The following EXOC6B variants were observed in gnomAD, a reference collection of about 807,000 sequenced individuals.
EXOC6B encodes the protein SEC15 homolog B.
EXOC6B carries 54 observed loss-of-function variants against 113.5 expected under a neutral mutation model. That is an observed-to-expected ratio of 0.48 (90% CI 0.38 to 0.60). The LOEUF (loss-of-function observed/expected upper bound fraction) is 0.60. Ranked by LOEUF, EXOC6B falls within the 20% of genes least tolerant of loss-of-function variation. The pLI is 0.00. For synonymous variants in EXOC6B, 357 were observed against 339.0 expected, an observed-to-expected ratio of 1.05 and a Z score of -0.58; for missense variants, 797 against 977.5, an observed-to-expected ratio of 0.82 and a Z score of 2.46.
At chr2:72,412,333 ATATTT>A (rs1055340651) in intron 18 of EXOC6B, among the ~76,000 whole-genome samples, 6 of 152,244 alleles carry the variant, frequency 3.9e-5, no homozygotes, top group Admixed American at 1.3e-4. Context: ...TGAAATAAAA[ATATTT>A]TCAGTTAGGG....
chr2:72,251,432 T>G (rs1261726807), intron 20 of EXOC6B, among the ~76,000 whole-genome samples: 1 of 152,152 alleles, frequency 6.6e-6, no homozygotes, highest in Non-Finnish European at 1.5e-5. Context: ...TCTCCAGGGG[T>G]AGGAATAGAT....
chr2:72,429,442 A>G (rs1052064538), intron 18 of EXOC6B, among the ~76,000 whole-genome samples: 4 of 152,120 alleles, frequency 2.6e-5, no homozygotes, highest in Non-Finnish European at 1.5e-5. Context: ...GATTTGATAT[A>G]TACATACATC....
chr2:72,573,805 AACGTAT>A (rs1483398819), intron 7 of EXOC6B, among the ~76,000 whole-genome samples: 1 of 152,136 alleles, frequency 6.6e-6, no homozygotes, highest in Non-Finnish European at 1.5e-5. Flanking sequence ...TCAATAATGA[AACGTAT>A]ATAAAAGAAT....
intron 6 of EXOC6B, among the ~76,000 whole-genome samples, chr2:72,617,949 A>G (rs1349146931): frequency 6.6e-6 from 1 of 152,198 alleles, no homozygotes; most frequent in South Asian, 2.1e-4. Context: ...CGGGAGGTCT[A>G]TGATTGCCTC....
chr2:72,533,276 G>A (rs1374777525), intron 8 of EXOC6B, among the ~76,000 whole-genome samples: 4 of 152,290 alleles, frequency 2.6e-5, no homozygotes, highest in South Asian at 2.1e-4. Context: ...CAAAACAGCA[G>A]TATTAGCACC....
intron 6 of EXOC6B, among the ~76,000 whole-genome samples, chr2:72,694,783 T>G (rs1158052214): frequency 2.0e-5 from 3 of 152,230 alleles, no homozygotes; most frequent in African/African-American, 2.4e-5. Flanking sequence ...GGCTTACATA[T>G]TGCTAAGATA....
At chr2:72,667,738 G>T (rs1275611552) in intron 6 of EXOC6B, among the ~76,000 whole-genome samples, 1 of 152,088 alleles carries the variant, frequency 6.6e-6, no homozygotes, top group Non-Finnish European at 1.5e-5. Flanking sequence ...ATGGACTAAA[G>T]AATTAAATGT....
At chr2:72,468,864 T>G (rs1489605270) in intron 17 of EXOC6B, among the ~76,000 whole-genome samples, 1 of 152,182 alleles carries the variant, frequency 6.6e-6, no homozygotes, top group Admixed American at 6.5e-5. Flanking sequence ...CTTCTATACT[T>G]TCATCTTTAC....
chr2:72,651,235 G>A (rs1344701277), intron 6 of EXOC6B, among the ~76,000 whole-genome samples: 1 of 152,176 alleles, frequency 6.6e-6, no homozygotes, highest in Non-Finnish European at 1.5e-5. Flanking sequence ...CTTACTGTTA[G>A]GAAATGGTAG....
intron 1 of EXOC6B, among the ~76,000 whole-genome samples, chr2:72,758,477 CA>C (rs1445104804): frequency 2.6e-5 from 4 of 151,882 alleles, no homozygotes; most frequent in African/African-American, 7.3e-5. Flanking sequence ...AAGCTATTTA[CA>C]AAGAAACATT....
intron 20 of EXOC6B, among the ~76,000 whole-genome samples, chr2:72,263,858 G>A (rs1049304792): frequency 6.6e-6 from 1 of 152,166 alleles, no homozygotes; most frequent in Non-Finnish European, 1.5e-5. Flanking sequence ...TCCTGCAAAG[G>A]GAAATTGTCT....
intron 18 of EXOC6B, among the ~76,000 whole-genome samples, chr2:72,404,432 G>A (rs57694083): frequency 0.1 from 15,598 of 152,194 alleles, 2,161 homozygotes; most frequent in African/African-American, 0.31. Context: ...CCCTGACCCC[G>A]AGTAGCCTAA....
chr2:72,561,610 G>C (rs2103713668), intron 7 of EXOC6B, among the ~76,000 whole-genome samples: 1 of 152,088 alleles, frequency 6.6e-6, no homozygotes, highest in Admixed American at 6.5e-5. Flanking sequence ...CTAAATTAAG[G>C]GAGAATTTCC....
intron 8 of EXOC6B, among the ~76,000 whole-genome samples, chr2:72,533,348 G>A (rs1179175356): frequency 6.6e-6 from 1 of 152,170 alleles, no homozygotes. Context: ...AGAGAGCACA[G>A]GATAATTTCT....
At chr2:72,192,436 A>G (rs992103564) in intron 20 of EXOC6B, among the ~76,000 whole-genome samples, 1 of 152,170 alleles carries the variant, frequency 6.6e-6, no homozygotes, top group Non-Finnish European at 1.5e-5. Flanking sequence ...TGTGATACCT[A>G]TGACAGGTGA....
intron 19 of EXOC6B, among the ~76,000 whole-genome samples, chr2:72,340,598 T>C (rs1359807969): frequency 6.6e-6 from 1 of 152,168 alleles, no homozygotes; most frequent in Admixed American, 6.5e-5. Flanking sequence ...TCACCTGCTC[T>C]TGCTGAATGG....
At chr2:72,319,208 T>A (rs1687710194) in intron 20 of EXOC6B, among the ~76,000 whole-genome samples, 1 of 151,906 alleles carries the variant, frequency 6.6e-6, no homozygotes, top group African/African-American at 2.4e-5. Flanking sequence ...GATGGACCAT[T>A]TATAATAAAA....
intron 1 of EXOC6B, among the ~76,000 whole-genome samples, chr2:72,810,958 G>A (rs1685879975): frequency 1.3e-5 from 2 of 151,610 alleles, no homozygotes; most frequent in African/African-American, 4.8e-5. Context: ...GAGGTGAGAG[G>A]ATCACTTAGG....
At chr2:72,703,761 G>C (rs1678620390) in intron 6 of EXOC6B, among the ~76,000 whole-genome samples, 2 of 113,842 alleles carry the variant, frequency 1.8e-5, no homozygotes, top group Non-Finnish European at 3.6e-5. Context: ...TGTGATTTTT[G>C]TACATTGATT....
Sources: allele counts gnomAD v4.1 joint callset (sites outside exome capture counted in the v4.1 genomes callset), GRCh38; gene constraint gnomAD v4.1.1; transcripts MANE v1.5; gene names NCBI Gene and HGNC (gene_info 2026-07-23, HGNC 2026-07-21).